Variants in STIM1 observed in about 807,000 individuals in gnomAD.
STIM1 encodes stromal interaction molecule 1.
Under a neutral mutation model 74.7 loss-of-function variants are expected in STIM1, and 25 were observed. That is an observed-to-expected ratio of 0.33 (90% confidence interval 0.24 to 0.47). STIM1 has a LOEUF of 0.47. Ranked by LOEUF, STIM1 falls within the 20% of genes least tolerant of loss-of-function variation. The pLI, the probability that STIM1 is intolerant of heterozygous loss-of-function variation, is 1.00. For synonymous variants in STIM1, 328 were observed against 348.8 expected (o/e 0.94, Z 0.66); for missense variants, 728 against 920.8 (o/e 0.79, Z 2.71).
At chr11:3,988,316 G>A (rs2093576817) in intron 2 of STIM1, among the ~76,000 whole-genome samples, 1 of 152,126 alleles carries the variant, frequency 6.6e-6, no homozygotes, top group South Asian at 2.1e-4. Flanking sequence ...TTTTTTTCGT[G>A]TAGCCTGCAA....
intron 3 of STIM1, among the ~76,000 whole-genome samples, chr11:4,025,820 AC>A (rs756596631): frequency 3.3e-5 from 5 of 152,220 alleles, no homozygotes; most frequent in Non-Finnish European, 1.5e-5. Context: ...ATTCTAAATT[AC>A]AGGAAAATGA....
At chr11:4,076,098 A>G (rs1405669027) in intron 7 of STIM1, among the ~76,000 whole-genome samples, 3 of 152,018 alleles carry the variant, frequency 2.0e-5, no homozygotes, top group African/African-American at 7.3e-5. Flanking sequence ...TATAGAAAAT[A>G]TTTTCTCTCA....
At chr11:3,955,711 C>G (rs1000667672) in intron 1 of STIM1, among the ~76,000 whole-genome samples, 2 of 151,928 alleles carry the variant, frequency 1.3e-5, no homozygotes, top group Non-Finnish European at 2.9e-5. Context: ...ATGCCTGGCC[C>G]CACCCAGAGA....
At chr11:3,876,213 G>A (rs1223900244) in intron 1 of STIM1, among the ~76,000 whole-genome samples, 2 of 152,208 alleles carry the variant, frequency 1.3e-5, no homozygotes, top group Non-Finnish European at 2.9e-5. Context: ...GGTGGCTGGA[G>A]CCAATTTGCT....
chr11:4,056,102 C>T (rs1270242930), intron 4 of STIM1, among the ~76,000 whole-genome samples: 2 of 152,042 alleles, frequency 1.3e-5, no homozygotes, highest in African/African-American at 4.8e-5. Flanking sequence ...TTTTCCTGTG[C>T]CCTGAGCAGC....
At chr11:4,007,232 T>C (rs2093791234) in intron 2 of STIM1, among the ~76,000 whole-genome samples, 1 of 152,170 alleles carries the variant, frequency 6.6e-6, no homozygotes, top group Non-Finnish European at 1.5e-5. Context: ...TTCCCCATGG[T>C]AAGGCAGGAC....
chr11:3,917,118 G>A (rs1483017389), intron 1 of STIM1, among the ~76,000 whole-genome samples: 3 of 152,150 alleles, frequency 2.0e-5, no homozygotes, highest in South Asian at 2.1e-4. Context: ...TTATGTACGC[G>A]TAGTGAGATG....
At chr11:3,905,004 G>C (rs1219158190) in intron 1 of STIM1, among the ~76,000 whole-genome samples, 1 of 152,148 alleles carries the variant, frequency 6.6e-6, no homozygotes, top group African/African-American at 2.4e-5. Flanking sequence ...ATAGAGCAGA[G>C]AGGAACTCTG....
chr11:3,912,857 G>A (rs2092587334), intron 1 of STIM1, among the ~76,000 whole-genome samples: 1 of 152,144 alleles, frequency 6.6e-6, no homozygotes, highest in Non-Finnish European at 1.5e-5. Flanking sequence ...CTATCTGGGG[G>A]GTGAGGATCC....
intron 6 of STIM1, among the ~76,000 whole-genome samples, chr11:4,073,415 A>G (rs1047955233): frequency 5.3e-5 from 8 of 152,340 alleles, no homozygotes; most frequent in Non-Finnish European, 1.2e-4. Flanking sequence ...CCAAGACCTT[A>G]TATATCTATA....
intron 1 of STIM1, among the ~76,000 whole-genome samples, chr11:3,920,161 A>G (rs1477359074): frequency 2.6e-5 from 4 of 151,420 alleles, no homozygotes; most frequent in Non-Finnish European, 5.9e-5. Flanking sequence ...GGGTCTTGCC[A>G]TATTACCCAG....
chr11:4,018,451 T>A (rs1590652342), intron 2 of STIM1, among the ~76,000 whole-genome samples: 2 of 68,888 alleles, frequency 2.9e-5, no homozygotes, highest in South Asian at 1.4e-3. Context: ...AGAGCGAGAC[T>A]CCGTCTCAAA....
chr11:3,906,311 A>G (rs1360522720), intron 1 of STIM1, among the ~76,000 whole-genome samples: 1 of 152,218 alleles, frequency 6.6e-6, no homozygotes, highest in Non-Finnish European at 1.5e-5. Context: ...TAAGAGATGA[A>G]CTAGGTTACC....
intron 3 of STIM1, among the ~76,000 whole-genome samples, chr11:4,030,339 A>G (rs540479542): frequency 6.4e-4 from 97 of 150,878 alleles, no homozygotes; most frequent in Middle Eastern, 3.4e-3. Flanking sequence ...AAAAAAAAAA[A>G]AAAGAAAGAA....
At chr11:3,873,066 A>T (rs1016727195) in intron 1 of STIM1, among the ~76,000 whole-genome samples, 1 of 151,490 alleles carries the variant, frequency 6.6e-6, no homozygotes, top group Non-Finnish European at 1.5e-5. Flanking sequence ...CTCCTACCTC[A>T]GCCTTCCAAG....
intron 4 of STIM1, among the ~76,000 whole-genome samples, chr11:4,057,789 G>A (rs1205183174): frequency 6.6e-6 from 1 of 151,290 alleles, no homozygotes; most frequent in Non-Finnish European, 1.5e-5. Flanking sequence ...AGAATGGCGT[G>A]AACCCGGGAG....
At chr11:4,077,151 A>G (rs2094442022) in intron 7 of STIM1, among the ~76,000 whole-genome samples, 1 of 151,732 alleles carries the variant, frequency 6.6e-6, no homozygotes, top group Admixed American at 6.6e-5. Context: ...TAATATTTAT[A>G]TTAATATAAA....
chr11:4,077,876 A>G (rs151111809), intron 7 of STIM1, among the ~76,000 whole-genome samples: 2,056 of 152,216 alleles, frequency 0.014, 19 homozygotes, highest in Non-Finnish European at 0.02. Context: ...ACTCTTTTAT[A>G]GGTTCTAGTT....
rs1382628661 is a variant in STIM1, at chr11:4,091,341, C to T, written c.1694C>T (p.Ala565Val). 3 of 1,614,198 alleles carry T rather than the reference C, an allele frequency of 1.9e-6. No homozygotes were observed. The highest frequency in any genetic ancestry group is 2.2e-5 in the East Asian group (1 of 44,892). The change falls in exon 13 of 13, where the codon GCC (alanine) becomes GTC (valine). Residue 565 changes from alanine (A) to valine (V), a missense_variant. Transcript: ENST00000526596. Reference sequence around the variant, plus strand: ...CACATGAGTGACCGCCAGCGTGTGGCCCCCAAACCTCCTCAGATGAGCCGT... The same window carrying T: ...CACATGAGTGACCGCCAGCGTGTGGTCCCCAAACCTCCTCAGATGAGCCGT... ...SLHMSDRQRVAPKPPQMSRAA... is the reference protein window; with the variant it reads ...SLHMSDRQRVVPKPPQMSRAA...
Sources: gnomAD v4.1 joint callset for allele counts (sites outside exome capture counted in the v4.1 genomes callset) on GRCh38, gnomAD v4.1.1 for gene constraint, MANE v1.5 for transcripts, NCBI Gene and HGNC (gene_info 2026-07-23, HGNC 2026-07-21) for gene names.